KCNT2: variants seen among roughly 807,000 people sequenced by gnomAD.
KCNT2 encodes the protein potassium sodium-activated channel subfamily T member 2, also known as potassium channel subfamily T member 2.
In KCNT2, 67 loss-of-function variants were observed where a neutral mutation model predicts 153.8. The ratio of observed to expected loss-of-function variants is 0.44; its 90% CI spans 0.36 to 0.53. The LOEUF (loss-of-function observed/expected upper bound fraction) is 0.53. KCNT2 is among the 20% of genes least tolerant of loss of function. KCNT2 has a pLI of 0.00. For synonymous variants in KCNT2, 500 were observed against 458.8 expected (o/e 1.09, Z -1.15); for missense variants, 975 against 1,354.8 (o/e 0.72, Z 4.40).
chr1:196,309,591 C>G (rs1481543083), intron 21 of KCNT2, among the ~76,000 whole-genome samples: 1 of 151,872 alleles, frequency 6.6e-6, no homozygotes, highest in Admixed American at 6.6e-5. Context: ...AGCCTGCCAC[C>G]TAGTGAAAAA....
chr1:196,358,898 C>T (rs958565719), intron 14 of KCNT2, among the ~76,000 whole-genome samples: 1 of 151,734 alleles, frequency 6.6e-6, no homozygotes, highest in African/African-American at 2.4e-5. Flanking sequence ...AAATGGATTC[C>T]TTTGTCTGTG....
At chr1:196,231,176 T>TA (rs954715036) in intron 27 of KCNT2, among the ~76,000 whole-genome samples, 1 of 151,894 alleles carries the variant, frequency 6.6e-6, no homozygotes, top group Non-Finnish European at 1.5e-5. Context: ...ATTTTTTTTT[T>TA]AGCAATAAAC....
At chr1:196,466,835 C>T (rs1677662006) in intron 7 of KCNT2, among the ~76,000 whole-genome samples, 1 of 152,006 alleles carries the variant, frequency 6.6e-6, no homozygotes, top group Non-Finnish European at 1.5e-5. Flanking sequence ...CTTTGAAGTA[C>T]TAAAGCCTGT....
At chr1:196,363,817 C>T (rs1667821515) in intron 14 of KCNT2, among the ~76,000 whole-genome samples, 2 of 152,182 alleles carry the variant, frequency 1.3e-5, no homozygotes, top group Admixed American at 1.3e-4. Flanking sequence ...TTTACTAAGA[C>T]ATGTTTGCTC....
chr1:196,483,430 C>A (rs954245871), intron 3 of KCNT2, among the ~76,000 whole-genome samples: 2 of 152,136 alleles, frequency 1.3e-5, no homozygotes, highest in African/African-American at 4.8e-5. Context: ...TTCTCCAAGT[C>A]GCAAATACAC....
In KCNT2 at chr1:196,303,106, T is replaced by C. The variant is rs145397916; in HGVS notation, c.2595+2128A>G. Among the ~76,000 whole-genome samples the C allele has an allele frequency of 2.2e-4, 34 of 152,250 alleles. No individual in the cohort carries two copies. In the East Asian group the frequency reaches 6.6e-3, roughly 29 times the overall value. On this transcript the variant is annotated intron_variant, in intron 22 of 27. Transcript: ENST00000294725. The stretch of plus-strand genomic sequence containing the variant: ...AACTTGTAATTGTAAATCCTTTCTC[T>C]GTCAAAAACTTGTAACTGGAAATCC...
At position 196,250,087 on chromosome 1, in the gene KCNT2, TA is replaced by T. The variant is rs936280309; in HGVS notation, c.3211+8106del. Among the ~76,000 whole-genome samples, 825 of 144,680 alleles carry T rather than the reference TA, an allele frequency of 5.7e-3. 9 individuals carry two copies. Among genetic ancestry groups the T allele is most frequent in the African/African-American group, 0.019 (756 of 39,408 alleles). The allele number at this position is 144,680 out of a possible 152,430, so 94.9% of individuals were successfully genotyped here. The stretch of plus-strand genomic sequence containing the variant: ...ATACCAATGATATTCTTCACACAAA[TA>T]AAAAAAAAAGCATTCTAAAATTTAT... On this transcript the variant is annotated intron_variant, in intron 26 of 27. Coordinates refer to ENST00000294725, the MANE Select transcript of KCNT2 (RefSeq NM_198503.5).
intron 12 of KCNT2, among the ~76,000 whole-genome samples, chr1:196,415,389 A>G (rs1672671538): frequency 6.6e-6 from 1 of 151,848 alleles, no homozygotes; most frequent in Non-Finnish European, 1.5e-5. Context: ...GAAACAATAT[A>G]TTACATGGGA....
At chr1:196,549,635 A>G (rs954042829) in intron 1 of KCNT2, among the ~76,000 whole-genome samples, 2 of 151,946 alleles carry the variant, frequency 1.3e-5, no homozygotes, top group Non-Finnish European at 2.9e-5. Flanking sequence ...AACATGGACA[A>G]GAAATAACTC....
intron 1 of KCNT2, among the ~76,000 whole-genome samples, chr1:196,601,850 T>C (rs75762820): frequency 0.021 from 3,157 of 152,326 alleles, 117 homozygotes; most frequent in African/African-American, 0.072. Flanking sequence ...ATGTCTGACA[T>C]TCATATCCAT....
intron 1 of KCNT2, among the ~76,000 whole-genome samples, chr1:196,573,385 C>A (rs1660996088): frequency 6.6e-6 from 1 of 151,910 alleles, no homozygotes; most frequent in South Asian, 2.1e-4. Flanking sequence ...AGACACTGTT[C>A]TTTTGATATG....
chr1:196,279,546 C>T (rs1658898496), intron 25 of KCNT2, among the ~76,000 whole-genome samples: 1 of 151,946 alleles, frequency 6.6e-6, no homozygotes, highest in Non-Finnish European at 1.5e-5. Flanking sequence ...CCTCAGCCTC[C>T]CGAGTAGCTG....
intron 19 of KCNT2, among the ~76,000 whole-genome samples, chr1:196,322,875 T>G (rs532233242): frequency 1.3e-5 from 2 of 152,058 alleles, no homozygotes; most frequent in South Asian, 2.1e-4. Flanking sequence ...ATAAGTGTCC[T>G]TTTTTATTAA....
At chr1:196,238,824 G>A (rs1195088033) in intron 26 of KCNT2, among the ~76,000 whole-genome samples, 1 of 151,852 alleles carries the variant, frequency 6.6e-6, no homozygotes, top group Non-Finnish European at 1.5e-5. Flanking sequence ...AGAACTTAAA[G>A]TATAATAATA....
At chr1:196,467,638 TA>T in intron 7 of KCNT2, 64 bp downstream of exon 7, 1 of 1,084,742 alleles carries the variant, frequency 9.2e-7, no homozygotes, top group Non-Finnish European at 1.4e-6. Flanking sequence ...CTGTTTAATC[TA>T]AACATTGAAA....
intron 23 of KCNT2, among the ~76,000 whole-genome samples, chr1:196,282,604 C>T (rs1310217933): frequency 6.6e-6 from 1 of 152,102 alleles, no homozygotes; most frequent in Non-Finnish European, 1.5e-5. Context: ...ACTATGCTTA[C>T]ATTTTATGTG....
intron 14 of KCNT2, among the ~76,000 whole-genome samples, chr1:196,369,673 G>A (rs1668351126): frequency 6.6e-6 from 1 of 152,106 alleles, no homozygotes; most frequent in Non-Finnish European, 1.5e-5. Context: ...TTTTATGGCT[G>A]CATAATAATC....
At chr1:196,399,761 A>C (rs933904749) in intron 12 of KCNT2, among the ~76,000 whole-genome samples, 2 of 151,916 alleles carry the variant, frequency 1.3e-5, no homozygotes, top group South Asian at 4.1e-4. Context: ...GGCCTCTGGT[A>C]GGCCTCATCG....
intron 8 of KCNT2, among the ~76,000 whole-genome samples, chr1:196,443,790 A>G (rs1050135942): frequency 6.6e-6 from 1 of 151,554 alleles, no homozygotes; most frequent in Non-Finnish European, 1.5e-5. Flanking sequence ...TGTTAATTTG[A>G]AAGGATTTGG....
Sources: gnomAD v4.1 joint callset for allele counts (sites outside exome capture counted in the v4.1 genomes callset) on GRCh38, gnomAD v4.1.1 for gene constraint, MANE v1.5 for transcripts, NCBI Gene and HGNC (gene_info 2026-07-23, HGNC 2026-07-21) for gene names.